TAOK1: variants seen among roughly 807,000 people sequenced by gnomAD.
TAOK1 encodes serine/threonine-protein kinase TAO1.
Under a neutral mutation model 138.3 loss-of-function variants are expected in TAOK1, and 21 were observed. The observed-to-expected ratio is 0.15, with a 90% confidence interval of 0.11 to 0.22. The LOEUF is 0.22. TAOK1 is among the 10% of genes least tolerant of loss of function. TAOK1 has a pLI of 1.00. For synonymous variants in TAOK1, 361 were observed against 398.4 expected (o/e 0.91, Z 1.12); for missense variants, 651 against 1,227.7 (o/e 0.53, Z 7.02).
intron 1 of TAOK1, among the ~76,000 whole-genome samples, chr17:29,433,837 T>G (rs1429682289): frequency 6.6e-6 from 1 of 152,042 alleles, no homozygotes; most frequent in East Asian, 1.9e-4. Flanking sequence ...ATCTAGCAAT[T>G]GTTAGATTAA....
rs963873687 is a variant in TAOK1, at chr17:29,487,658, G to A, written c.656-2006G>A. On this transcript the variant is annotated intron_variant, in intron 8 of 19. Coordinates refer to ENST00000261716, the MANE Select transcript of TAOK1 (RefSeq NM_020791.4). ...ATGGGGCCATGTCCAAAAGACACAAGCCAGTTTAAAAAGGTTTCTACTGTT... is the reference window on the plus strand; with the variant it reads ...ATGGGGCCATGTCCAAAAGACACAAACCAGTTTAAAAAGGTTTCTACTGTT... Among the ~76,000 whole-genome samples the A allele has an allele frequency of 8.5e-5, 13 of 152,206 alleles. No homozygotes were observed. In the East Asian group the frequency reaches 2.5e-3, roughly 29 times the overall value.
chr17:29,438,379 A>G (rs1365052920), intron 1 of TAOK1, among the ~76,000 whole-genome samples: 1 of 152,296 alleles, frequency 6.6e-6, no homozygotes, highest in Non-Finnish European at 1.5e-5. Flanking sequence ...AAGTTTGCAA[A>G]TACCTATAAA....
chr17:29,476,010 A>G (rs2030934346), intron 4 of TAOK1, among the ~76,000 whole-genome samples: 1 of 152,238 alleles, frequency 6.6e-6, no homozygotes, highest in Admixed American at 6.5e-5. Flanking sequence ...TGTATGATAA[A>G]ATGTCCTATG....
intron 17 of TAOK1, among the ~76,000 whole-genome samples, chr17:29,524,447 G>A (rs550013035): frequency 1.6e-4 from 25 of 152,092 alleles, no homozygotes; most frequent in Non-Finnish European, 3.1e-4. Context: ...GAACCTTTCC[G>A]TTTTAAAGCT....
intron 18 of TAOK1, 130 bp from the exon 19 acceptor site, chr17:29,533,986 AAG>A: frequency 1.1e-6 from 1 of 941,030 alleles, no homozygotes. Context: ...TCCAAGATAC[AAG>A]AGAGAAAAAT....
intron 1 of TAOK1, among the ~76,000 whole-genome samples, chr17:29,444,326 C>T (rs1271132404): frequency 1.3e-5 from 2 of 152,138 alleles, no homozygotes; most frequent in Non-Finnish European, 2.9e-5. Context: ...ATTGACAGCT[C>T]TGTTGTAACA....
chr17:29,465,579 A>G (rs1283966421), intron 2 of TAOK1, among the ~76,000 whole-genome samples: 1 of 152,116 alleles, frequency 6.6e-6, no homozygotes, highest in Non-Finnish European at 1.5e-5. Context: ...GTACAGTTCA[A>G]TTATTTTTAG....
At chr17:29,397,698 T>TATGATAC (rs1904690241) in intron 1 of TAOK1, among the ~76,000 whole-genome samples, 1 of 91,918 alleles carries the variant, frequency 1.1e-5, no homozygotes, top group Admixed American at 1.1e-4. Context: ...TATATTCATG[T>TATGATAC]ATGCATACAT....
chr17:29,513,501 A>G (rs556221969), intron 15 of TAOK1: 4 of 152,340 alleles, frequency 2.6e-5, no homozygotes, highest in East Asian at 1.9e-4. Context: ...CATATACCAT[A>G]TAGTCAAACA....
At chr17:29,393,299 C>T (rs1598460773) in intron 1 of TAOK1, among the ~76,000 whole-genome samples, 1 of 150,994 alleles carries the variant, frequency 6.6e-6, no homozygotes, top group Non-Finnish European at 1.5e-5. Flanking sequence ...ATAGAGGCTA[C>T]AAAACTTAAA....
intron 18 of TAOK1, among the ~76,000 whole-genome samples, chr17:29,532,844 C>G (rs2032144427): frequency 6.6e-6 from 1 of 151,988 alleles, no homozygotes; most frequent in African/African-American, 2.4e-5. Context: ...ATGGCCCGTT[C>G]TCAATGAGCT....
intron 19 of TAOK1, among the ~76,000 whole-genome samples, chr17:29,541,300 G>A (rs2032311811): frequency 7.0e-6 from 1 of 143,772 alleles, no homozygotes; most frequent in East Asian, 2.2e-4. Context: ...AGTAGAGATG[G>A]GGTTTCACCA....
chr17:29,490,806 C>G (rs1351983391), intron 9 of TAOK1, among the ~76,000 whole-genome samples: 1 of 152,184 alleles, frequency 6.6e-6, no homozygotes, highest in African/African-American at 2.4e-5. Flanking sequence ...AGGTTAGGAC[C>G]TGGTCCTCCT....
intron 18 of TAOK1, among the ~76,000 whole-genome samples, chr17:29,531,029 T>A (rs1316808281): frequency 2.2e-5 from 3 of 135,138 alleles, no homozygotes; most frequent in Non-Finnish European, 3.1e-5. Context: ...TGGCGCGATC[T>A]CGGCTCACTG....
chr17:29,520,943 T>G (rs1302477311), intron 16 of TAOK1, among the ~76,000 whole-genome samples: 1 of 151,722 alleles, frequency 6.6e-6, no homozygotes, highest in Non-Finnish European at 1.5e-5. Context: ...AAGAATCACT[T>G]GAACTCAGAA....
chr17:29,440,817 C>T (rs767048562), intron 1 of TAOK1, among the ~76,000 whole-genome samples: 1 of 152,160 alleles, frequency 6.6e-6, no homozygotes, highest in Non-Finnish European at 1.5e-5. Context: ...CTCAGGTGAT[C>T]TGGCCACCTT....
intron 8 of TAOK1, among the ~76,000 whole-genome samples, chr17:29,485,260 A>G (rs1255421908): frequency 6.6e-6 from 1 of 152,192 alleles, no homozygotes; most frequent in African/African-American, 2.4e-5. Context: ...AATATAATTT[A>G]CCATTTTTAA....
intron 1 of TAOK1, among the ~76,000 whole-genome samples, chr17:29,447,760 G>A (rs567463705): frequency 4.0e-5 from 6 of 150,534 alleles, no homozygotes; most frequent in Admixed American, 4.0e-4. Context: ...GGGTTCAAGC[G>A]ATTCTCCTGC....
chr17:29,396,990 CAAAA>C (rs555104841), intron 1 of TAOK1, among the ~76,000 whole-genome samples: 6 of 69,528 alleles, frequency 8.6e-5, no homozygotes, highest in African/African-American at 2.0e-4. Flanking sequence ...AACTCTGTCT[CAAAA>C]AAAAAAAAAA....
Sources: allele counts gnomAD v4.1 joint callset (sites outside exome capture counted in the v4.1 genomes callset), GRCh38; gene constraint gnomAD v4.1.1; transcripts MANE v1.5; gene names NCBI Gene and HGNC (gene_info 2026-07-23, HGNC 2026-07-21).